Variants in CACNA2D3 observed in about 807,000 individuals in gnomAD.
CACNA2D3 encodes calcium voltage-gated channel auxiliary subunit alpha2delta 3, also known as voltage-dependent calcium channel subunit alpha-2/delta-3.
A neutral mutation model predicts 160.6 loss-of-function variants in CACNA2D3; 60 were observed. The ratio of observed to expected loss-of-function variants is 0.37; its 90% CI spans 0.30 to 0.46. The LOEUF (loss-of-function observed/expected upper bound fraction) is 0.46. Ranked by LOEUF, CACNA2D3 falls within the 20% of genes least tolerant of loss-of-function variation. The pLI, the probability that CACNA2D3 is intolerant of heterozygous loss-of-function variation, is 1.00. For synonymous variants in CACNA2D3, 558 were observed against 492.9 expected, an observed-to-expected ratio of 1.13 and a Z score of -1.75; for missense variants, 1,205 against 1,365.0, an observed-to-expected ratio of 0.88 and a Z score of 1.85.
chr3:54,377,206 C>T (rs1036719277), intron 3 of CACNA2D3, among the ~76,000 whole-genome samples: 1 of 152,196 alleles, frequency 6.6e-6, no homozygotes, highest in African/African-American at 2.4e-5. Flanking sequence ...AAGGCCTTTG[C>T]CTCATTCCGT....
intron 2 of CACNA2D3, among the ~76,000 whole-genome samples, chr3:54,139,625 G>A (rs998143138): frequency 7.2e-5 from 11 of 152,180 alleles, no homozygotes. Context: ...GAAGTTCTGT[G>A]ATATTTTAGA....
At chr3:54,350,966 C>CT (rs1698542275) in intron 3 of CACNA2D3, among the ~76,000 whole-genome samples, 3 of 63,298 alleles carry the variant, frequency 4.7e-5, no homozygotes, top group South Asian at 5.3e-4. Context: ...GATCTTGAGT[C>CT]TGTTTTTTTT....
intron 13 of CACNA2D3, among the ~76,000 whole-genome samples, chr3:54,811,465 C>CTTTTTTTTTTTTTTT (rs71096451): frequency 6.3e-5 from 7 of 111,612 alleles, no homozygotes; most frequent in Admixed American, 9.9e-5. Flanking sequence ...TCCCTCAGTT[C>CTTTTTTTTTTTTTTT]TTTTTTTTTT....
intron 13 of CACNA2D3, among the ~76,000 whole-genome samples, chr3:54,801,513 A>G (rs974977721): frequency 2.0e-5 from 3 of 152,198 alleles, no homozygotes; most frequent in Non-Finnish European, 2.9e-5. Flanking sequence ...CATGTTAGTG[A>G]CAGCCTAGAT....
At chr3:54,876,556 TA>T (rs1344314330) in intron 18 of CACNA2D3, among the ~76,000 whole-genome samples, 7 of 152,214 alleles carry the variant, frequency 4.6e-5, no homozygotes. Flanking sequence ...AACTCAGAAA[TA>T]ATATATGATT....
chr3:54,436,638 T>C (rs1033829812), intron 4 of CACNA2D3, among the ~76,000 whole-genome samples: 1 of 152,152 alleles, frequency 6.6e-6, no homozygotes, highest in Non-Finnish European at 1.5e-5. Context: ...AGGGACATGG[T>C]TGAAGCTGGA....
At chr3:54,494,080 C>G (rs1038690177) in intron 4 of CACNA2D3, among the ~76,000 whole-genome samples, 1 of 152,224 alleles carries the variant, frequency 6.6e-6, no homozygotes, top group African/African-American at 2.4e-5. Flanking sequence ...TAGATTAGTT[C>G]TGTTGTGCTC....
chr3:54,238,651 A>T (rs1273949056), intron 2 of CACNA2D3, among the ~76,000 whole-genome samples: 2 of 152,216 alleles, frequency 1.3e-5, no homozygotes, highest in Non-Finnish European at 2.9e-5. Flanking sequence ...TTTTCCTGAG[A>T]AAAGGAAAAA....
intron 3 of CACNA2D3, among the ~76,000 whole-genome samples, chr3:54,323,885 A>G (rs908697138): frequency 6.6e-6 from 1 of 152,108 alleles, no homozygotes; most frequent in African/African-American, 2.4e-5. Flanking sequence ...CTCCCCCAGC[A>G]GTTGGAGTTG....
chr3:55,025,855 C>G (rs981016577), intron 35 of CACNA2D3, among the ~76,000 whole-genome samples: 4 of 151,920 alleles, frequency 2.6e-5, no homozygotes, highest in African/African-American at 9.7e-5. Flanking sequence ...AGACCACCAC[C>G]TGGCAGGTCA....
chr3:54,567,980 A>G (rs1387047377), intron 6 of CACNA2D3, among the ~76,000 whole-genome samples: 1 of 152,252 alleles, frequency 6.6e-6, no homozygotes, highest in East Asian at 1.9e-4. Context: ...CAGGGCAAAA[A>G]GATATTCAGA....
chr3:54,574,776 A>G (rs941611451), intron 8 of CACNA2D3, among the ~76,000 whole-genome samples: 5 of 152,260 alleles, frequency 3.3e-5, no homozygotes, highest in African/African-American at 1.2e-4. Flanking sequence ...AGCTTAAGCC[A>G]TGCATTAAAT....
intron 13 of CACNA2D3, among the ~76,000 whole-genome samples, chr3:54,806,126 C>T (rs1057263755): frequency 6.6e-6 from 1 of 152,178 alleles, no homozygotes; most frequent in African/African-American, 2.4e-5. Flanking sequence ...GGAAGCGTTC[C>T]CTTTGAAAAC....
At chr3:54,194,066 G>A (rs907248522) in intron 2 of CACNA2D3, among the ~76,000 whole-genome samples, 1 of 152,124 alleles carries the variant, frequency 6.6e-6, no homozygotes, top group African/African-American at 2.4e-5. Flanking sequence ...ATACGAGGGG[G>A]CGGGAAGGGT....
chr3:54,405,432 C>T (rs1216471403), intron 4 of CACNA2D3, among the ~76,000 whole-genome samples: 2 of 151,958 alleles, frequency 1.3e-5, no homozygotes, highest in Non-Finnish European at 2.9e-5. Flanking sequence ...ATGTGGTCAA[C>T]TAGTTTCTGA....
intron 3 of CACNA2D3, among the ~76,000 whole-genome samples, chr3:54,375,686 T>G (rs1322919821): frequency 6.6e-6 from 1 of 151,472 alleles, no homozygotes; most frequent in East Asian, 1.9e-4. Context: ...AAGTCACTGG[T>G]GGGTTTCAAA....
chr3:54,717,246 C>T (rs1458978401), intron 11 of CACNA2D3, among the ~76,000 whole-genome samples: 1 of 152,164 alleles, frequency 6.6e-6, no homozygotes, highest in Admixed American at 6.5e-5. Flanking sequence ...TATGTAGACT[C>T]TTTCCAGTTT....
intron 26 of CACNA2D3, among the ~76,000 whole-genome samples, chr3:54,897,225 A>G (rs1700211760): frequency 6.6e-6 from 1 of 152,166 alleles, no homozygotes; most frequent in Admixed American, 6.5e-5. Flanking sequence ...TCAGTGAGTC[A>G]CATCCCTGCA....
intron 13 of CACNA2D3, among the ~76,000 whole-genome samples, chr3:54,770,832 G>A (rs1002976051): frequency 6.6e-6 from 1 of 152,130 alleles, no homozygotes; most frequent in African/African-American, 2.4e-5. Context: ...CAAATTGTGA[G>A]TATGAAAAGA....
Sources: allele counts gnomAD v4.1 joint callset (sites outside exome capture counted in the v4.1 genomes callset), GRCh38; gene constraint gnomAD v4.1.1; transcripts MANE v1.5; gene names NCBI Gene and HGNC (gene_info 2026-07-23, HGNC 2026-07-21).